Variants in CEP85L observed in about 807,000 individuals in gnomAD.
CEP85L encodes centrosomal protein of 85 kDa-like.
A neutral mutation model predicts 100.3 loss-of-function variants in CEP85L; 60 were observed. That is an observed-to-expected ratio of 0.60 (90% confidence interval 0.49 to 0.74). The LOEUF (loss-of-function observed/expected upper bound fraction) is 0.74. Ranked by LOEUF, CEP85L falls within the 30% of genes least tolerant of loss-of-function variation. The pLI is 0.00. For synonymous variants in CEP85L, 319 were observed against 322.7 expected, an observed-to-expected ratio of 0.99 and a Z score of 0.12; for missense variants, 973 against 936.2, an observed-to-expected ratio of 1.04 and a Z score of -0.51.
intron 3 of CEP85L, among the ~76,000 whole-genome samples, chr6:118,530,504 T>C (rs1777230966): frequency 6.6e-6 from 1 of 151,800 alleles, no homozygotes; most frequent in African/African-American, 2.4e-5. Context: ...AACATATTAC[T>C]GGAAGTCCTA....
chr6:118,513,980 C>A (rs1278654987), intron 4 of CEP85L, among the ~76,000 whole-genome samples: 1 of 152,036 alleles, frequency 6.6e-6, no homozygotes, highest in Non-Finnish European at 1.5e-5. Context: ...TATGACAAAA[C>A]AGCTCAAAGG....
intron 6 of CEP85L, among the ~76,000 whole-genome samples, chr6:118,489,363 A>T (rs1420982400): frequency 6.6e-6 from 1 of 152,210 alleles, no homozygotes. Flanking sequence ...GTACTATAAA[A>T]AATGTCAAGA....
At chr6:118,513,029 G>A (rs1192453661) in intron 4 of CEP85L, among the ~76,000 whole-genome samples, 3 of 152,036 alleles carry the variant, frequency 2.0e-5, no homozygotes, top group African/African-American at 7.2e-5. Context: ...CATGTTAAGA[G>A]GAGACATACA....
At chr6:118,550,538 C>T (rs911991066) in intron 3 of CEP85L, among the ~76,000 whole-genome samples, 1 of 151,614 alleles carries the variant, frequency 6.6e-6, no homozygotes, top group Admixed American at 6.6e-5. Flanking sequence ...TCATTTGGTC[C>T]TCTTAATTAT....
At chr6:118,536,386 G>C (rs1182860867) in intron 3 of CEP85L, among the ~76,000 whole-genome samples, 1 of 152,134 alleles carries the variant, frequency 6.6e-6, no homozygotes, top group African/African-American at 2.4e-5. Context: ...GTGATTATAA[G>C]GGGAGATGTA....
At chr6:118,612,058 C>T (rs1315533509) in intron 2 of CEP85L, among the ~76,000 whole-genome samples, 1 of 151,996 alleles carries the variant, frequency 6.6e-6, no homozygotes, top group Non-Finnish European at 1.5e-5. Context: ...ACCCACAGAA[C>T]ATACATCAAA....
chr6:118,493,062 G>A (rs996374564), intron 5 of CEP85L, among the ~76,000 whole-genome samples: 1 of 152,068 alleles, frequency 6.6e-6, no homozygotes, highest in African/African-American at 2.4e-5. Flanking sequence ...GCCAAATAAA[G>A]GCCATGTTAA....
chr6:118,534,294 A>G (rs1777461751), intron 3 of CEP85L, among the ~76,000 whole-genome samples: 1 of 152,162 alleles, frequency 6.6e-6, no homozygotes, highest in Non-Finnish European at 1.5e-5. Flanking sequence ...AAAACATTAA[A>G]AGCTTAGAAA....
At chr6:118,704,679 C>T (rs1260428719) in intron 1 of CEP85L, among the ~76,000 whole-genome samples, 3 of 152,124 alleles carry the variant, frequency 2.0e-5, no homozygotes, top group Non-Finnish European at 2.9e-5. Context: ...CCACGTTGGC[C>T]AGGCTGGTCT....
intron 2 of CEP85L, among the ~76,000 whole-genome samples, chr6:118,627,409 T>G (rs1447820031): frequency 6.6e-6 from 1 of 151,966 alleles, no homozygotes; most frequent in Non-Finnish European, 1.5e-5. Context: ...CTGAACAAAG[T>G]GAAAAAGCAA....
rs185958084 is a variant in CEP85L at position 118,520,394 on chromosome 6, A to C, written c.1139+3408T>G. Among the ~76,000 whole-genome samples the C allele has an allele frequency of 5.5e-3, 840 of 152,314 alleles. 6 individuals are homozygous for C. The highest frequency in any genetic ancestry group is 0.01 in the Non-Finnish European group (687 of 68,026). On this transcript the variant is annotated intron_variant, in intron 4 of 12. Transcript: ENST00000368491. Reference sequence around the variant, plus strand: ...CAATTTTATTTCTATATATTTAAGAACGTTTTGAAAATATGCATTTTTTAA... The same window carrying C: ...CAATTTTATTTCTATATATTTAAGACCGTTTTGAAAATATGCATTTTTTAA...
At chr6:118,468,147 T>C (rs901778180) in intron 12 of CEP85L, among the ~76,000 whole-genome samples, 5 of 152,190 alleles carry the variant, frequency 3.3e-5, no homozygotes, top group Non-Finnish European at 7.3e-5. Flanking sequence ...GAAAGGGACA[T>C]AGTTGAGCAC....
At chr6:118,697,214 T>C (rs909712544) in intron 1 of CEP85L, among the ~76,000 whole-genome samples, 2 of 152,182 alleles carry the variant, frequency 1.3e-5, no homozygotes, top group Non-Finnish European at 2.9e-5. Context: ...CTTGGACACC[T>C]GTACAAATCT....
rs556487337 is a variant in CEP85L at position 118,575,307 on chromosome 6, T to C, written c.233-8991A>G. 4.6e-5 allele frequency among the ~76,000 whole-genome samples: 7 copies of C among 152,122 alleles called. No individual in the cohort carries two copies. In the South Asian group the frequency reaches 8.3e-4, roughly 18 times the overall value. On this transcript the variant is annotated intron_variant, in intron 2 of 12. Transcript: ENST00000368491. ...TAAAAAGAAGCAACAAATAATAAAA[T>C]ATTGTTGCTTTATTTAAACCAAAGA...
rs993189998 is a variant in CEP85L at position 118,474,411 on chromosome 6, T to C, written c.1915-3767A>G. On this transcript the variant is annotated intron_variant, in intron 10 of 12. Transcript: ENST00000368491. ...TAGACAGTTCTCTTTCCAGAAAAGA[T>C]AGGGCATCAACATTTATCATCCTAG... Among the ~76,000 whole-genome samples the C allele has an allele frequency of 4.6e-5, 7 of 152,204 alleles. No homozygotes were observed. In the East Asian group the frequency reaches 7.7e-4, roughly 17 times the overall value.
At chr6:118,679,775 C>A (rs542508800) in intron 1 of CEP85L, among the ~76,000 whole-genome samples, 55 of 152,240 alleles carry the variant, frequency 3.6e-4, no homozygotes, top group African/African-American at 1.3e-3. Context: ...GGCCTGCAAA[C>A]CACCAGTTTG....
chr6:118,606,351 C>A (rs1353132687), intron 2 of CEP85L, among the ~76,000 whole-genome samples: 3 of 152,188 alleles, frequency 2.0e-5, no homozygotes, highest in Non-Finnish European at 4.4e-5. Flanking sequence ...CAAGATCACA[C>A]AGATATTAAA....
intron 2 of CEP85L, among the ~76,000 whole-genome samples, chr6:118,597,927 G>A (rs529604460): frequency 1.8e-4 from 28 of 152,268 alleles, no homozygotes; most frequent in Non-Finnish European, 3.5e-4. Context: ...GGTTAATACC[G>A]TAATACTCTA....
chr6:118,603,130 CT>C (rs957678571), intron 2 of CEP85L, among the ~76,000 whole-genome samples: 2 of 152,052 alleles, frequency 1.3e-5, no homozygotes, highest in Non-Finnish European at 2.9e-5. Flanking sequence ...CCAGATAAGA[CT>C]TTTTAAAAGC....
Sources: gnomAD v4.1 joint callset for allele counts (sites outside exome capture counted in the v4.1 genomes callset) on GRCh38, gnomAD v4.1.1 for gene constraint, MANE v1.5 for transcripts, NCBI Gene and HGNC (gene_info 2026-07-23, HGNC 2026-07-21) for gene names.